SETD1B: variants seen among roughly 807,000 people sequenced by gnomAD.
SETD1B encodes SET domain containing 1B, histone lysine methyltransferase, also known as histone-lysine N-methyltransferase SETD1B.
In SETD1B, 7 loss-of-function variants were observed where a neutral mutation model predicts 148.0. That is an observed-to-expected ratio of 0.05 (90% CI 0.03 to 0.09). SETD1B has a LOEUF of 0.09. Ranked by LOEUF, SETD1B falls within the 10% of genes least tolerant of loss-of-function variation. The pLI, the probability that SETD1B is intolerant of heterozygous loss-of-function variation, is 1.00. For missense variants in SETD1B, 2,155 were observed against 2,729.9 expected (o/e 0.79, Z 4.69); for synonymous variants, 1,361 against 1,186.5 (o/e 1.15, Z -3.02).
rs986216871 is a variant in SETD1B at position 121,810,913 on chromosome 12, C to T, written c.1890+78C>T. 10 of 1,424,932 alleles carry T rather than the reference C, an allele frequency of 7.0e-6. No individual in the cohort carries two copies. In the Admixed American group the frequency reaches 1.8e-4, roughly 25 times the overall value. 88.3% of individuals were successfully genotyped at this position (1,424,932 alleles called of 1,614,324 possible). The stretch of plus-strand genomic sequence containing the variant: ...TCCCTTTCCCCCTTCAAGCATTTAG[C>T]ATGACTAGCTAAGATGCGGAAGCAA... On this transcript the variant is annotated intron_variant, in intron 6 of 16. Coordinates refer to ENST00000604567, the MANE Select transcript of SETD1B (RefSeq NM_001353345.2). The surrounding 1 kb of genome is among the most constrained non-coding windows in gnomAD (Gnocchi z 7.6).
rs539083306 is a variant in SETD1B, at chr12:121,813,184, G to A, written c.1891-922G>A. Among the ~76,000 whole-genome samples, 216 of 152,340 alleles carry A rather than the reference G, an allele frequency of 1.4e-3. 1 individual carries two copies. The highest frequency in any genetic ancestry group is 2.8e-3 in the Non-Finnish European group (189 of 68,034). ...TGTTTATTAACTGTCAAATGGGTCG[G>A]AGCAGAGCCCCCCGCCCTGTGAGGT... On this transcript the variant is annotated intron_variant, in intron 6 of 16. Coordinates refer to ENST00000604567, the MANE Select transcript of SETD1B (RefSeq NM_001353345.2).
At chr12:121,824,369 G>A (rs953668716) in intron 12 of SETD1B, among the ~76,000 whole-genome samples, 3 of 152,166 alleles carry the variant, frequency 2.0e-5, no homozygotes, top group Non-Finnish European at 2.9e-5. Context: ...CTCAAGTGCC[G>A]GGCACCATGG....
chr12:121,807,354 C>T (rs189191961), intron 4 of SETD1B, among the ~76,000 whole-genome samples: 272 of 151,564 alleles, frequency 1.8e-3, no homozygotes, highest in African/African-American at 6.1e-3. Flanking sequence ...ACGATTTCTC[C>T]CTGATAATTG....
chr12:121,828,630 C>G (rs1267667092), intron 16 of SETD1B, among the ~76,000 whole-genome samples: 1 of 152,162 alleles, frequency 6.6e-6, no homozygotes, highest in African/African-American at 2.4e-5. Context: ...ACACTGATAA[C>G]AGGGATTTGA....
chr12:121,799,717 T>TGGGGCGGGGGGGGG (rs1875205480), upstream of SETD1B: 1 of 19,134 alleles, frequency 5.2e-5, no homozygotes, highest in East Asian at 1.9e-3. Context: ...CGCTCGCAGC[T>TGGGGCGGGGGGGGG]GGGGGGGGGG....
chr12:121,823,918 C>T (rs1876712391), intron 12 of SETD1B, among the ~76,000 whole-genome samples, 169 bp downstream of exon 12: 1 of 152,182 alleles, frequency 6.6e-6, no homozygotes, highest in Admixed American at 6.5e-5. Context: ...CCATGCCAGG[C>T]TCCCGAGTGA....
chr12:121,807,006 T>C (rs1179722394), intron 4 of SETD1B, among the ~76,000 whole-genome samples: 1 of 152,230 alleles, frequency 6.6e-6, no homozygotes, highest in African/African-American at 2.4e-5. Flanking sequence ...CGGGGTCCCC[T>C]GGGAAACCCT....
In SETD1B at chr12:121,810,185, C is replaced by T; in HGVS notation, c.1240C>T (p.Pro414Ser). ...VAHFPPPPEEPTATAAFGARD... is the reference protein window; with the variant it reads ...VAHFPPPPEESTATAAFGARD... ...CCACTTCCCTCCACCCCCGGAAGAG[C>T]CCACCGCCACAGCCGCTTTTGGGGC... is the stretch of plus-strand genomic sequence containing the variant. Residue 414 changes from proline to serine, a missense_variant, in exon 6 of 17, where the codon CCC becomes TCC. Physicochemically the swap from Pro to Ser is moderately conservative, Grantham distance 74 (BLOSUM62 -1). Around this residue, in one of 11 missense-constraint regions of SETD1B, gnomAD observed 376 missense variants for 385.0 expected, o/e 0.98. Coordinates refer to ENST00000604567, the MANE Select transcript of SETD1B (RefSeq NM_001353345.2). The surrounding 1 kb of genome is among the most constrained non-coding windows in gnomAD (Gnocchi z 7.6). 1 of 1,549,706 alleles carries T rather than the reference C, an allele frequency of 6.5e-7. No individual in the cohort carries two copies. The highest frequency in any genetic ancestry group is 8.7e-7 in the Non-Finnish European group (1 of 1,146,794).
At chr12:121,825,505 GGAGAGGCGGGTGGGC>G in intron 13 of SETD1B, 139 bp downstream of exon 13, 1 of 695,848 alleles carries the variant, frequency 1.4e-6, no homozygotes, top group Non-Finnish European at 2.3e-6. Context: ...AAGTGGAAGG[GGAGAGGCGGGTGGGC>G]GGGGCCTAGG....
chr12:121,807,235 A>T (rs1253790923), intron 4 of SETD1B, among the ~76,000 whole-genome samples: 1 of 152,000 alleles, frequency 6.6e-6, no homozygotes, highest in East Asian at 1.9e-4. Context: ...TCCTCCTCTC[A>T]GGGCACAGCC....
rs577933937 is a variant in SETD1B at position 121,819,100 on chromosome 12, C to T, written c.3419-304C>T. ...TCTCTACTAAAAGTACAAAATTAGC[C>T]GGGCGTGGTGGTGCATGCCTGTAAT... On this transcript the variant is annotated intron_variant, in intron 10 of 16. Transcript: ENST00000604567. 3.5e-4 allele frequency among the ~76,000 whole-genome samples: 53 copies of T among 151,950 alleles called. No individual in the cohort carries two copies. The South Asian group carries it at 3.7e-3, about 11-fold the overall frequency.
In SETD1B at chr12:121,805,142, A is replaced by G; in HGVS notation, c.199A>G (p.Ile67Val). Residue 67 changes from isoleucine (I) to valine (V), a missense_variant, in exon 3 of 17, where the codon ATT becomes GTT. By Grantham distance (29) the Ile-to-Val change is conservative. Coordinates refer to ENST00000604567, the MANE Select transcript of SETD1B (RefSeq NM_001353345.2). The surrounding 1 kb of genome is among the most constrained non-coding windows in gnomAD (Gnocchi z 4.2). ...LAMSSNRPVE[I>V]VEDPRVVGIW... Reference sequence around the variant, plus strand: ...GATGTCCAGCAACCGCCCGGTGGAAATTGTCGAAGATCCCCGGGTCGTCGG... The same window carrying G: ...GATGTCCAGCAACCGCCCGGTGGAAGTTGTCGAAGATCCCCGGGTCGTCGG... 4.5e-6 allele frequency: 7 copies of G among 1,551,608 alleles called. No homozygotes were observed. The highest frequency in any genetic ancestry group is 6.1e-6 in the Non-Finnish European group (7 of 1,146,964).
rs1364843998 is a variant in SETD1B, at chr12:121,823,002, C to A, written c.4423C>A (p.Pro1475Thr). 6.5e-7 allele frequency: 1 copy of A among 1,527,640 alleles called. No individual in the cohort carries two copies. Among genetic ancestry groups the A allele is most frequent in the Non-Finnish European group, 8.8e-7 (1 of 1,138,988 alleles). The allele number at this position is 1,527,640 out of a possible 1,614,324, so 94.6% of individuals were successfully genotyped here. A position where few individuals can be genotyped will look rare whatever the true frequency, so the allele number is the denominator to read the frequency against. The change falls in exon 12 of 17, where the codon CCT (proline) becomes ACT (threonine). Residue 1475 changes from proline to threonine, a missense_variant. Transcript: ENST00000604567. ...PVLLETGLPL[P>T]LPLPLPLPLA... ...GCTCCTGGAGACGGGCCTGCCCCTC[C>A]CTCTGCCCCTTCCCCTGCCCTTGCC...
intron 10 of SETD1B, among the ~76,000 whole-genome samples, chr12:121,818,452 A>G (rs1180561192): frequency 6.6e-6 from 1 of 151,872 alleles, no homozygotes; most frequent in African/African-American, 2.4e-5. Context: ...AATCCCAGCT[A>G]CTTGGGAGGC....
chr12:121,818,201 G>A (rs940531677), intron 10 of SETD1B, among the ~76,000 whole-genome samples: 1 of 152,098 alleles, frequency 6.6e-6, no homozygotes, highest in African/African-American at 2.4e-5. Flanking sequence ...AAATACTTAG[G>A]GACCAGATCG....
chr12:121,830,345 G>T lies in SETD1B; in HGVS notation c.*106G>T. ...CCCCGCGCCCGCCCCCATTTCAGGT[G>T]CTGTCCTCTACCCAGCGGCCATTCA... On this transcript the variant is annotated 3_prime_UTR_variant, in exon 17 of 17. Transcript: ENST00000604567. This position sits in a 1 kb window ranked among gnomAD's most constrained non-coding sequence, Gnocchi z 5.7. The T allele has an allele frequency of 8.7e-7, 1 of 1,153,194 alleles. No individual in the cohort carries two copies. The highest frequency in any genetic ancestry group is 2.5e-5 in the Admixed American group (1 of 40,382). The allele number at this position is 1,153,194 out of a possible 1,614,324, so 71.4% of individuals were successfully genotyped here.
At position 121,809,831 on chromosome 12, in the gene SETD1B, C is replaced by A. The variant is rs1401146729; in HGVS notation, c.886C>A (p.Pro296Thr). The part of the protein sequence containing the change: ...DSSYSSRQPT[P>T]SYLFSQDPAV... The stretch of plus-strand genomic sequence containing the variant: ...CAGCTACTCCAGCCGCCAGCCCACA[C>A]CCTCATACCTCTTCAGCCAGGACCC... The change falls in exon 6 of 17, where the codon CCC becomes ACC. Residue 296 changes from proline to threonine, a missense_variant. Physicochemically the swap from Pro to Thr is conservative, Grantham distance 38 (BLOSUM62 -1). Transcript: ENST00000604567. 6.4e-7 allele frequency: 1 copy of A among 1,551,554 alleles called. No homozygotes were observed. Among genetic ancestry groups the A allele is most frequent in the Admixed American group, 2.0e-5 (1 of 51,004 alleles).
At chr12:121,824,472 C>T (rs1271262944) in intron 12 of SETD1B, among the ~76,000 whole-genome samples, 2 of 152,096 alleles carry the variant, frequency 1.3e-5, no homozygotes, top group Non-Finnish European at 2.9e-5. Flanking sequence ...CATGGCAAAA[C>T]CCCATTTCTA....
At position 121,814,250 on chromosome 12, in the gene SETD1B, C is replaced by T. The variant is rs1176291159; in HGVS notation, c.2035C>T (p.Leu679=). The T allele has an allele frequency of 9.3e-6, 14 of 1,509,016 alleles. No individual in the cohort carries two copies. The highest frequency in any genetic ancestry group is 1.1e-5 in the Non-Finnish European group (13 of 1,130,470). 93.5% of individuals were successfully genotyped at this position (1,509,016 alleles called of 1,614,324 possible). Residue 679 remains leucine, a synonymous_variant, in exon 7 of 17, where the codon CTG becomes TTG. Transcript: ENST00000604567. The stretch of plus-strand genomic sequence containing the variant: ...AGCCCCTTCTGTGCTAGCCCCAACC[C>T]TGCCGCTGCCCCCGCCACCTGGCTT... ...VAAPSVLAPT[L]PLPPPPGFPP...
Sources: allele counts gnomAD v4.1 joint callset (sites outside exome capture counted in the v4.1 genomes callset), GRCh38; gene constraint gnomAD v4.1.1; regional missense constraint gnomAD v4.1.1; non-coding constraint Gnocchi (gnomAD v3.1); transcripts MANE v1.5; gene names NCBI Gene and HGNC (gene_info 2026-07-23, HGNC 2026-07-21).